GAP43: variants seen among roughly 807,000 people sequenced by gnomAD.
GAP43 encodes the protein neuromodulin.
A neutral mutation model predicts 18.6 loss-of-function variants in GAP43; 6 were observed. The ratio of observed to expected loss-of-function variants is 0.32; its 90% confidence interval spans 0.18 to 0.64. The LOEUF (loss-of-function observed/expected upper bound fraction) is 0.64. GAP43 is among the 30% of genes least tolerant of loss of function. The pLI, the probability that GAP43 is intolerant of heterozygous loss-of-function variation, is 0.78. For missense variants in GAP43, 292 were observed against 295.5 expected (o/e 0.99, Z 0.09); for synonymous variants, 115 against 111.4 (o/e 1.03, Z -0.20).
At chr3:115,667,183 A>C (rs1295315882) in intron 1 of GAP43, among the ~76,000 whole-genome samples, 1 of 152,168 alleles carries the variant, frequency 6.6e-6, no homozygotes, top group Non-Finnish European at 1.5e-5. Flanking sequence ...GAAGCTTAGA[A>C]GATTGTAAAA....
At position 115,708,050 on chromosome 3, in the gene GAP43, A is replaced by T. The variant is rs192128676; in HGVS notation, c.629-12744A>T. The stretch of plus-strand genomic sequence containing the variant: ...ACACACACACACATATATACCAAGT[A>T]TCTAGAAACATACTTTCCAGGCATG... On this transcript the variant is annotated intron_variant, in intron 2 of 2. Coordinates refer to ENST00000305124, the MANE Select transcript of GAP43 (RefSeq NM_002045.4). Among the ~76,000 whole-genome samples, 622 of 152,222 alleles carry T rather than the reference A, an allele frequency of 4.1e-3. 3 individuals carry two copies. The highest frequency in any genetic ancestry group is 7.1e-3 in the Non-Finnish European group (485 of 68,004).
intron 2 of GAP43, among the ~76,000 whole-genome samples, chr3:115,706,126 C>T (rs1709360179): frequency 6.6e-6 from 1 of 152,226 alleles, no homozygotes; most frequent in Non-Finnish European, 1.5e-5. Context: ...TTTCCTTCAT[C>T]ATATGCCTGT....
intron 1 of GAP43, among the ~76,000 whole-genome samples, chr3:115,642,871 G>A (rs1708414046): frequency 6.6e-6 from 1 of 151,992 alleles, no homozygotes; most frequent in African/African-American, 2.4e-5. Context: ...TAAAGGACTA[G>A]TTTCTGGATT....
At chr3:115,684,706 C>A (rs140105696) in intron 2 of GAP43, among the ~76,000 whole-genome samples, 3 of 152,106 alleles carry the variant, frequency 2.0e-5, no homozygotes, top group African/African-American at 7.2e-5. Flanking sequence ...GTTTGTGAAC[C>A]TACAGTGGGT....
At chr3:115,627,218 G>T (rs369861637) in intron 1 of GAP43, among the ~76,000 whole-genome samples, 1 of 147,898 alleles carries the variant, frequency 6.8e-6, no homozygotes, top group African/African-American at 2.5e-5. Flanking sequence ...TTCATTTCTG[G>T]TGACTCTATA....
chr3:115,697,037 C>A (rs1312015229), intron 2 of GAP43, among the ~76,000 whole-genome samples: 1 of 151,832 alleles, frequency 6.6e-6, no homozygotes, highest in African/African-American at 2.4e-5. Context: ...TGGGGCTCCA[C>A]CATATTGGTC....
intron 1 of GAP43, among the ~76,000 whole-genome samples, chr3:115,672,400 A>G (rs1301366619): frequency 1.3e-5 from 2 of 152,198 alleles, no homozygotes; most frequent in Non-Finnish European, 2.9e-5. Context: ...CCACATAGCC[A>G]GTTTTGGGAA....
At chr3:115,642,443 A>G (rs1653881299) in intron 1 of GAP43, among the ~76,000 whole-genome samples, 1 of 151,876 alleles carries the variant, frequency 6.6e-6, no homozygotes, top group Admixed American at 6.6e-5. Context: ...CTTTACCCTA[A>G]ATTAGCTCAT....
intron 1 of GAP43, among the ~76,000 whole-genome samples, chr3:115,625,832 A>G (rs1389991604): frequency 1.3e-5 from 2 of 152,172 alleles, no homozygotes; most frequent in Non-Finnish European, 2.9e-5. Context: ...CAGCATCCAC[A>G]TACTTCATAT....
At chr3:115,699,206 T>A (rs1709264161) in intron 2 of GAP43, among the ~76,000 whole-genome samples, 3 of 152,204 alleles carry the variant, frequency 2.0e-5, no homozygotes, top group Admixed American at 1.3e-4. Context: ...TGACACCTGC[T>A]GAGTAAGACA....
At chr3:115,651,146 AT>A (rs1708514819) in intron 1 of GAP43, among the ~76,000 whole-genome samples, 1 of 152,132 alleles carries the variant, frequency 6.6e-6, no homozygotes, top group African/African-American at 2.4e-5. Flanking sequence ...AATAATAATA[AT>A]AAAGAAAGTA....
Position 115,647,763 on chromosome 3 carries a change from A to AAC in GAP43, c.30+24045_30+24046insCA, listed in dbSNP as rs1042550629. On this transcript the variant is annotated intron_variant, in intron 1 of 2. Coordinates refer to ENST00000305124, the MANE Select transcript of GAP43 (RefSeq NM_002045.4). Reference sequence around the variant, plus strand: ...AACAAAACAAAACAAAAAAACAAAAAAAAAAAACGGCCTGATAGGGCAAGA... The same window carrying AAC: ...AACAAAACAAAACAAAAAAACAAAAAACAAAAAAACGGCCTGATAGGGCAAGA... Among the ~76,000 whole-genome samples, 50 of 150,908 alleles carry AAC rather than the reference A, an allele frequency of 3.3e-4. No individual in the cohort carries two copies. The East Asian group carries it at 3.3e-3, about 10-fold the overall frequency.
intron 2 of GAP43, among the ~76,000 whole-genome samples, chr3:115,683,972 C>G (rs969507045): frequency 4.6e-5 from 7 of 152,104 alleles, no homozygotes; most frequent in African/African-American, 1.7e-4. Flanking sequence ...TGTGATTACT[C>G]AGCAATCCTC....
At chr3:115,653,131 T>C (rs1708541888) in intron 1 of GAP43, among the ~76,000 whole-genome samples, 1 of 152,130 alleles carries the variant, frequency 6.6e-6, no homozygotes, top group Non-Finnish European at 1.5e-5. Flanking sequence ...TAAATTTTTG[T>C]CTTTTTGCCC....
At chr3:115,663,814 A>G (rs1708696795) in intron 1 of GAP43, 3 of 1,551,776 alleles carry the variant, frequency 1.9e-6, no homozygotes, top group Non-Finnish European at 2.6e-6. Flanking sequence ...GCCACCCCGC[A>G]CTCCACTTTT....
intron 2 of GAP43, among the ~76,000 whole-genome samples, chr3:115,710,048 A>G (rs1709414013): frequency 6.6e-6 from 1 of 152,106 alleles, no homozygotes; most frequent in African/African-American, 2.4e-5. Flanking sequence ...TCAAATTTCA[A>G]AATATATATT....
At chr3:115,709,639 A>G (rs2107374360) in intron 2 of GAP43, among the ~76,000 whole-genome samples, 1 of 152,312 alleles carries the variant, frequency 6.6e-6, no homozygotes, top group East Asian at 1.9e-4. Context: ...ATGTCAAAGA[A>G]TATATGCTAA....
At chr3:115,662,581 G>A (rs1708676869) in intron 1 of GAP43, among the ~76,000 whole-genome samples, 1 of 152,180 alleles carries the variant, frequency 6.6e-6, no homozygotes, top group African/African-American at 2.4e-5. Flanking sequence ...AGCTGATACA[G>A]TAATATGGGA....
chr3:115,626,553 T>C (rs902768559), intron 1 of GAP43, among the ~76,000 whole-genome samples: 61 of 152,312 alleles, frequency 4.0e-4, no homozygotes, highest in African/African-American at 1.4e-3. Context: ...TAATATTGTA[T>C]TGCCTTATGA....
Sources: gnomAD v4.1 joint callset for allele counts (sites outside exome capture counted in the v4.1 genomes callset) on GRCh38, gnomAD v4.1.1 for gene constraint, MANE v1.5 for transcripts, NCBI Gene and HGNC (gene_info 2026-07-23, HGNC 2026-07-21) for gene names.